The following DLG2 variants were observed in gnomAD, a reference collection of about 807,000 sequenced individuals.
DLG2 encodes the protein disks large homolog 2.
In DLG2, 45 loss-of-function variants were observed where a neutral mutation model predicts 132.5. The observed-to-expected ratio is 0.34, with a 90% CI of 0.27 to 0.44. The LOEUF (loss-of-function observed/expected upper bound fraction) is 0.44. Ranked by LOEUF, DLG2 falls within the 20% of genes least tolerant of loss-of-function variation. The pLI is 1.00. For synonymous variants in DLG2, 424 were observed against 419.6 expected (o/e 1.01, Z -0.13); for missense variants, 1,045 against 1,196.9 (o/e 0.87, Z 1.87).
chr11:84,058,831 A>C (rs759160491), intron 11 of DLG2, among the ~76,000 whole-genome samples: 1 of 152,006 alleles, frequency 6.6e-6, no homozygotes, highest in Non-Finnish European at 1.5e-5. Flanking sequence ...TATTTTGGCT[A>C]CTGCAAGCAT....
chr11:85,349,632 A>G (rs888513302), intron 3 of DLG2, among the ~76,000 whole-genome samples: 9 of 152,050 alleles, frequency 5.9e-5, no homozygotes, highest in South Asian at 2.1e-4. Flanking sequence ...TCATTGTTCA[A>G]TTCCCACCTA....
At chr11:84,859,367 T>C (rs941914727) in intron 6 of DLG2, among the ~76,000 whole-genome samples, 1 of 146,518 alleles carries the variant, frequency 6.8e-6, no homozygotes, top group East Asian at 2.0e-4. Context: ...CATATATGTA[T>C]ATATACACAT....
intron 11 of DLG2, among the ~76,000 whole-genome samples, chr11:84,001,109 T>G (rs762098602): frequency 2.0e-5 from 3 of 152,082 alleles, no homozygotes; most frequent in Non-Finnish European, 4.4e-5. Context: ...TAACCTTGAA[T>G]GTAAACAGAT....
At chr11:84,571,698 C>T (rs556207783) in intron 6 of DLG2, among the ~76,000 whole-genome samples, 2 of 152,166 alleles carry the variant, frequency 1.3e-5, no homozygotes, top group East Asian at 1.9e-4. Context: ...TTGCCAAATT[C>T]TAGTTATAGT....
chr11:85,587,792 G>C (rs750610080), intron 3 of DLG2, among the ~76,000 whole-genome samples: 3 of 152,116 alleles, frequency 2.0e-5, no homozygotes, highest in Non-Finnish European at 4.4e-5. Flanking sequence ...AATAGGCCCT[G>C]TGAGATTTAC....
chr11:85,260,556 T>C lies in DLG2; in HGVS notation c.186+24664A>G, dbSNP rs549708191. On this transcript the variant is annotated intron_variant, in intron 4 of 27. Transcript: ENST00000376104. ...CATATGTATTCATTCACTAACTCAT[T>C]CATTCATTAAATAACACCTATTAAA... 4.6e-5 allele frequency among the ~76,000 whole-genome samples: 7 copies of C among 152,290 alleles called. No individual in the cohort carries two copies. In the South Asian group the frequency reaches 1.5e-3, roughly 32 times the overall value.
intron 15 of DLG2, among the ~76,000 whole-genome samples, chr11:83,883,240 T>C (rs1026851307): frequency 9.2e-5 from 14 of 152,206 alleles, no homozygotes; most frequent in Non-Finnish European, 1.9e-4. Flanking sequence ...ATTTTCAACG[T>C]CTGGCCACAG....
At position 83,793,974 on chromosome 11, in the gene DLG2, C is replaced by A. The variant is rs183660628; in HGVS notation, c.1723-7182G>T. Reference sequence around the variant, plus strand: ...TAGCACTTATACATTAGAGATGAACCCCGTAAAGGAAGGGACTGGCCCAAA... The same window carrying A: ...TAGCACTTATACATTAGAGATGAACACCGTAAAGGAAGGGACTGGCCCAAA... On this transcript the variant is annotated intron_variant, in intron 17 of 27. Coordinates refer to ENST00000376104, the MANE Select transcript of DLG2 (RefSeq NM_001142699.3). Among the ~76,000 whole-genome samples the A allele has an allele frequency of 2.6e-5, 4 of 152,074 alleles. No individual in the cohort carries two copies. The East Asian group carries it at 7.7e-4, about 29-fold the overall frequency.
At chr11:84,336,975 T>C (rs1259366509) in intron 7 of DLG2, among the ~76,000 whole-genome samples, 2 of 152,218 alleles carry the variant, frequency 1.3e-5, no homozygotes, top group African/African-American at 4.8e-5. Context: ...TATGCATATA[T>C]GTATGTATAA....
At chr11:83,825,105 A>G (rs906505353) in intron 17 of DLG2, among the ~76,000 whole-genome samples, 3 of 147,238 alleles carry the variant, frequency 2.0e-5, no homozygotes, top group Non-Finnish European at 4.5e-5. Context: ...ACACATATAT[A>G]TAGACATATA....
At chr11:84,701,796 T>G (rs2059252682) in intron 6 of DLG2, among the ~76,000 whole-genome samples, 1 of 151,642 alleles carries the variant, frequency 6.6e-6, no homozygotes, top group African/African-American at 2.4e-5. Context: ...TGGCTCTACT[T>G]AAAGCCCCGA....
In DLG2 at chr11:83,920,903, T is replaced by C. The variant is rs528909570; in HGVS notation, c.1496+9425A>G. On this transcript the variant is annotated intron_variant, in intron 15 of 27. Coordinates refer to ENST00000376104, the MANE Select transcript of DLG2 (RefSeq NM_001142699.3). ...CATATATCAATCAGTCATCTGTTGA[T>C]ATATCACCTATCTACTAAAAAGATG... Among the ~76,000 whole-genome samples, 71 of 152,320 alleles carry C rather than the reference T, an allele frequency of 4.7e-4. 1 individual carries two copies. In the South Asian group the frequency reaches 0.014, roughly 31 times the overall value.
intron 6 of DLG2, among the ~76,000 whole-genome samples, chr11:84,703,136 G>A (rs780983532): frequency 6.6e-6 from 1 of 151,618 alleles, no homozygotes; most frequent in Non-Finnish European, 1.5e-5. Context: ...AGAGAAAAAT[G>A]TGCTTAAGCA....
At chr11:83,884,843 G>C (rs183842563) in intron 15 of DLG2, among the ~76,000 whole-genome samples, 1,730 of 152,288 alleles carry the variant, frequency 0.011, 20 homozygotes, top group Middle Eastern at 0.02. Context: ...ACAGGGTCTG[G>C]AGTGGACCTC....
At chr11:83,952,672 T>C (rs552761740) in intron 14 of DLG2, among the ~76,000 whole-genome samples, 4 of 144,046 alleles carry the variant, frequency 2.8e-5, no homozygotes, top group Admixed American at 1.5e-4. Flanking sequence ...TCTCAAGATA[T>C]AATGCTAAAG....
intron 5 of DLG2, among the ~76,000 whole-genome samples, chr11:85,131,201 T>C (rs1317120208): frequency 1.3e-5 from 2 of 152,176 alleles, no homozygotes; most frequent in Non-Finnish European, 2.9e-5. Context: ...TATTAGATAA[T>C]GTTTTCCAAA....
intron 3 of DLG2, among the ~76,000 whole-genome samples, chr11:85,359,857 CAAAAG>C (rs2084011270): frequency 6.6e-6 from 1 of 151,946 alleles, no homozygotes. Flanking sequence ...CCGTCACACA[CAAAAG>C]AAAAGAAGAT....
At chr11:84,935,301 T>C (rs1798801508) in intron 6 of DLG2, among the ~76,000 whole-genome samples, 1 of 152,200 alleles carries the variant, frequency 6.6e-6, no homozygotes, top group Non-Finnish European at 1.5e-5. Context: ...ATGAAAGAGA[T>C]CTTTTCTAGA....
At chr11:84,517,699 C>T (rs1372567429) in intron 7 of DLG2, among the ~76,000 whole-genome samples, 1 of 151,922 alleles carries the variant, frequency 6.6e-6, no homozygotes, top group Non-Finnish European at 1.5e-5. Context: ...AGCTGCACTC[C>T]CATGTATGTT....
Sources: allele counts gnomAD v4.1 joint callset (sites outside exome capture counted in the v4.1 genomes callset), GRCh38; gene constraint gnomAD v4.1.1; transcripts MANE v1.5; gene names NCBI Gene and HGNC (gene_info 2026-07-23, HGNC 2026-07-21).